VAV1: variants seen among roughly 807,000 people sequenced by gnomAD.
VAV1 encodes the protein proto-oncogene vav.
A neutral mutation model predicts 128.1 loss-of-function variants in VAV1; 33 were observed. That is an observed-to-expected ratio of 0.26 (90% CI 0.20 to 0.34). The LOEUF (loss-of-function observed/expected upper bound fraction) is 0.34, where lower values mean the gene tolerates loss of function less well. VAV1 is among the 10% of genes least tolerant of loss of function. The pLI is 1.00. For synonymous variants in VAV1, 394 were observed against 409.8 expected (o/e 0.96, Z 0.47); for missense variants, 715 against 1,093.7 (o/e 0.65, Z 4.88).
intron 15 of VAV1, among the ~76,000 whole-genome samples, chr19:6,832,801 A>G (rs1442518980): frequency 1.3e-5 from 2 of 151,692 alleles, no homozygotes; most frequent in Non-Finnish European, 2.9e-5. Flanking sequence ...ATGTGAGGCA[A>G]AATTCCAACA....
chr19:6,833,901 C>T lies in VAV1; in HGVS notation c.1732-7C>T. ...GGTAGACAGGCTTTCTTTGTTTCTC[C>T]TTCCAGGACAAACTACATCGCAGGG... On this transcript the variant is annotated splice_polypyrimidine_tract_variant and splice_region_variant and intron_variant, in intron 18 of 26. Coordinates refer to ENST00000602142, the MANE Select transcript of VAV1 (RefSeq NM_005428.4). The T allele has an allele frequency of 6.2e-7, 1 of 1,614,074 alleles. No homozygotes were observed. The highest frequency in any genetic ancestry group is 8.5e-7 in the Non-Finnish European group (1 of 1,180,032).
chr19:6,801,114 ATAAGCCCTGT>A (rs1206259744), intron 1 of VAV1, among the ~76,000 whole-genome samples: 1 of 152,192 alleles, frequency 6.6e-6, no homozygotes, highest in Non-Finnish European at 1.5e-5. Context: ...GCTGGATTAC[ATAAGCCCTGT>A]AAGGGCAGAG....
rs57771330 is a variant in VAV1, at chr19:6,777,234, TATCCATCCATCCATCCATCCATCC to T, written c.204+4253_204+4276del. On this transcript the variant is annotated intron_variant, in intron 1 of 26. Transcript: ENST00000602142. The surrounding 1 kb of genome is among the most constrained non-coding windows in gnomAD (Gnocchi z 4.4). The stretch of plus-strand genomic sequence containing the variant: ...TCATCCATCCATTTATCTGTTTAAC[TATCCATCCATCCATCCATCCATCC>T]ATCCATCCATCCATCCATCCATCCA... Among the ~76,000 whole-genome samples, 6 of 145,534 alleles carry T rather than the reference TATCCATCCATCCATCCATCCATCC, an allele frequency of 4.1e-5. No homozygotes were observed. Among genetic ancestry groups the T allele is most frequent in the Middle Eastern group, 3.4e-3 (1 of 294 alleles).
intron 1 of VAV1, among the ~76,000 whole-genome samples, chr19:6,804,824 C>T (rs575001059): frequency 9.3e-5 from 14 of 150,890 alleles, no homozygotes; most frequent in Admixed American, 4.6e-4. Context: ...CCCACGTTCA[C>T]GCCATTCTCC....
chr19:6,847,383 T>C (rs1466086349), intron 22 of VAV1, among the ~76,000 whole-genome samples: 3 of 152,082 alleles, frequency 2.0e-5, no homozygotes, highest in South Asian at 4.2e-4. Context: ...GTTCTGGGCA[T>C]TTCCTATGAA....
chr19:6,832,730 C>G (rs1477658875), intron 15 of VAV1, among the ~76,000 whole-genome samples: 1 of 148,858 alleles, frequency 6.7e-6, no homozygotes, highest in Non-Finnish European at 1.5e-5. Flanking sequence ...TCCTTTTCCT[C>G]CTCCTCCTTC....
Position 6,820,312 on chromosome 19 carries a change from C to T in VAV1, c.205-390C>T, listed in dbSNP as rs901399783. ...GTGCAGTGGTGCCATCATAGCTCAC[C>T]GCAGGCTCGAACTCCTGGGCTCAGT... On this transcript the variant is annotated intron_variant, in intron 1 of 26. Coordinates refer to ENST00000602142, the MANE Select transcript of VAV1 (RefSeq NM_005428.4). This position sits in a 1 kb window ranked among gnomAD's most constrained non-coding sequence, Gnocchi z 4.4. 1.2e-4 allele frequency among the ~76,000 whole-genome samples: 19 copies of T among 152,204 alleles called. No homozygotes were observed. Among genetic ancestry groups the T allele is most frequent in the Admixed American group, 7.9e-4 (12 of 15,276 alleles).
intron 14 of VAV1, among the ~76,000 whole-genome samples, chr19:6,831,453 A>C (rs995628338): frequency 2.0e-5 from 3 of 152,080 alleles, no homozygotes; most frequent in South Asian, 2.1e-4. Flanking sequence ...CTGGGATTAC[A>C]GGTGCCCGCC....
intron 26 of VAV1, 131 bp downstream of exon 26, chr19:6,854,229 G>A: frequency 4.1e-6 from 5 of 1,206,408 alleles, no homozygotes; most frequent in Non-Finnish European, 5.7e-6. Context: ...AGGGAAGGAA[G>A]GGACACAGGG....
intron 1 of VAV1, among the ~76,000 whole-genome samples, chr19:6,819,169 G>A (rs1332215848): frequency 6.6e-6 from 1 of 152,126 alleles, no homozygotes; most frequent in East Asian, 1.9e-4. Context: ...ACTTTGTGAT[G>A]TGCTGTTTTA....
chr19:6,815,527 T>A (rs920556056), intron 1 of VAV1, among the ~76,000 whole-genome samples: 10 of 152,172 alleles, frequency 6.6e-5, no homozygotes, highest in Non-Finnish European at 1.0e-4. Context: ...GAGTTAAAGT[T>A]CATGTTCCAT....
At chr19:6,839,144 G>A (rs1281311727) in intron 21 of VAV1, among the ~76,000 whole-genome samples, 3 of 151,352 alleles carry the variant, frequency 2.0e-5, no homozygotes, top group South Asian at 4.2e-4. Flanking sequence ...CTTGTGATCC[G>A]CCAGCTTCAG....
At chr19:6,786,598 C>T (rs1970898833) in intron 1 of VAV1, among the ~76,000 whole-genome samples, 1 of 152,094 alleles carries the variant, frequency 6.6e-6, no homozygotes, top group Non-Finnish European at 1.5e-5. Flanking sequence ...GCCTGGGCAT[C>T]CTGGCAAAAC....
At chr19:6,784,270 G>A in intron 1 of VAV1, 1 of 586,502 alleles carries the variant, frequency 1.7e-6, no homozygotes, top group African/African-American at 1.8e-5. Flanking sequence ...ATATATCTAT[G>A]CAGGTCTGTG....
At chr19:6,830,695 C>T (rs1034051734) in intron 14 of VAV1, among the ~76,000 whole-genome samples, 2 of 152,108 alleles carry the variant, frequency 1.3e-5, no homozygotes, top group African/African-American at 4.8e-5. Flanking sequence ...CCATCTTGGC[C>T]TCCCAAAGTG....
In VAV1 at chr19:6,832,189, T is replaced by C. The variant is rs755080325; in HGVS notation, c.1497T>C (p.Phe499=). The change falls in exon 15 of 27, where the codon TTT becomes TTC. Residue 499 remains phenylalanine (F), a synonymous_variant. Coordinates refer to ENST00000602142, the MANE Select transcript of VAV1 (RefSeq NM_005428.4). ...TGAAGAAGAAGTGGATGGAGCAGTT[T>C]GAGATGGCCATGTGAGTCCCCGTCT... ...RELKKKWMEQ[F]EMAISNIYPE... is the part of the protein sequence containing the mutation. 2.4e-5 allele frequency: 38 copies of C among 1,613,976 alleles called. No individual in the cohort carries two copies. Among genetic ancestry groups the C allele is most frequent in the Non-Finnish European group, 3.0e-5 (35 of 1,179,972 alleles).
At chr19:6,817,970 G>A (rs973907459) in intron 1 of VAV1, among the ~76,000 whole-genome samples, 24 of 152,042 alleles carry the variant, frequency 1.6e-4, no homozygotes, top group African/African-American at 5.3e-4. Flanking sequence ...ACAGGCATGA[G>A]CCACCACGCC....
At chr19:6,823,533 A>G (rs1015834758) in intron 6 of VAV1, among the ~76,000 whole-genome samples, 1 of 151,790 alleles carries the variant, frequency 6.6e-6, no homozygotes, top group Admixed American at 6.6e-5. Context: ...ATTTTTTGTT[A>G]TGTTAACCAG....
chr19:6,819,165 T>C (rs373338801), intron 1 of VAV1, among the ~76,000 whole-genome samples: 11 of 152,272 alleles, frequency 7.2e-5, no homozygotes, highest in Middle Eastern at 3.4e-3. Flanking sequence ...AAACACTTTG[T>C]GATGTGCTGT....
Sources: allele counts gnomAD v4.1 joint callset (sites outside exome capture counted in the v4.1 genomes callset), GRCh38; gene constraint gnomAD v4.1.1; non-coding constraint Gnocchi (gnomAD v3.1); transcripts MANE v1.5; gene names NCBI Gene and HGNC (gene_info 2026-07-23, HGNC 2026-07-21).